The following ZFAND3 variants were observed in gnomAD, a reference collection of about 807,000 sequenced individuals.
ZFAND3 encodes zinc finger AN1-type containing 3.
In ZFAND3, 10 loss-of-function variants were observed where a neutral mutation model predicts 29.6. The ratio of observed to expected loss-of-function variants is 0.34; its 90% CI spans 0.21 to 0.57. The LOEUF (loss-of-function observed/expected upper bound fraction) is 0.57, where lower values mean the gene tolerates loss of function less well. Among genes scored for constraint, ZFAND3 ranks in the 20% least tolerant of loss-of-function variants. The pLI is 0.86. For missense variants in ZFAND3, 230 were observed against 304.5 expected (o/e 0.76, Z 1.82); for synonymous variants, 128 against 112.6 (o/e 1.14, Z -0.87).
intron 3 of ZFAND3, among the ~76,000 whole-genome samples, chr6:38,077,290 G>A (rs910336442): frequency 1.1e-4 from 17 of 152,080 alleles, no homozygotes; most frequent in Admixed American, 1.0e-3. Flanking sequence ...AGAACTGTGA[G>A]CCTGGAAAAG....
rs548982719 is a variant in ZFAND3 at position 37,990,749 on chromosome 6, GT to G, written c.112+60752del. Among the ~76,000 whole-genome samples, 1,034 of 152,234 alleles carry G rather than the reference GT, an allele frequency of 6.8e-3. 6 individuals carry two copies. Among genetic ancestry groups the G allele is most frequent in the Non-Finnish European group, 0.011 (735 of 68,014 alleles). On this transcript the variant is annotated intron_variant, in intron 2 of 5. Transcript: ENST00000287218. ...GTCTTTTGTACTTAAGCACGTTTCA[GT>G]TCAGACCAGTCACATTTTAAGTGCT... is the stretch of plus-strand genomic sequence containing the variant.
chr6:38,116,083 C>T (rs192238349), intron 4 of ZFAND3, among the ~76,000 whole-genome samples: 13 of 152,298 alleles, frequency 8.5e-5, no homozygotes, highest in Non-Finnish European at 1.5e-4. Context: ...ACTCATCAAA[C>T]GCTGGCTTTG....
chr6:37,929,387 T>C (rs1761550007), intron 1 of ZFAND3, among the ~76,000 whole-genome samples: 1 of 152,152 alleles, frequency 6.6e-6, no homozygotes, highest in South Asian at 2.1e-4. Flanking sequence ...TATTAATGGA[T>C]GAAAGGACAT....
rs781029906 is a variant in ZFAND3 at position 37,853,491 on chromosome 6, C to T, written c.71+33475C>T. ...ATGACCCTGGATTTCAGAATCTGGA[C>T]CAGTAACTCTTACTACTAGAATTCA... On this transcript the variant is annotated intron_variant, in intron 1 of 5. Coordinates refer to ENST00000287218, the MANE Select transcript of ZFAND3 (RefSeq NM_021943.3). Among the ~76,000 whole-genome samples, 11 of 150,312 alleles carry T rather than the reference C, an allele frequency of 7.3e-5. 1 individual carries two copies. Among genetic ancestry groups the T allele is most frequent in the Non-Finnish European group, 8.8e-5 (6 of 67,926 alleles).
At chr6:38,111,364 CA>C (rs2127482429) in intron 4 of ZFAND3, among the ~76,000 whole-genome samples, 1 of 152,246 alleles carries the variant, frequency 6.6e-6, no homozygotes, top group East Asian at 1.9e-4. Context: ...TACAGTATAA[CA>C]ACTATTTACA....
At chr6:38,058,652 G>A (rs1764177565) in intron 2 of ZFAND3, among the ~76,000 whole-genome samples, 1 of 152,106 alleles carries the variant, frequency 6.6e-6, no homozygotes, top group Non-Finnish European at 1.5e-5. Flanking sequence ...CTCTTTCTTG[G>A]GCCATCTTGG....
chr6:38,144,217 T>TATATAA (rs1766047670), intron 5 of ZFAND3, among the ~76,000 whole-genome samples: 4 of 98,320 alleles, frequency 4.1e-5, no homozygotes, highest in East Asian at 6.5e-4. Context: ...ATATAATATA[T>TATATAA]AATATATATA....
intron 4 of ZFAND3, among the ~76,000 whole-genome samples, chr6:38,103,971 T>C (rs1314522121): frequency 6.6e-6 from 1 of 152,242 alleles, no homozygotes; most frequent in Non-Finnish European, 1.5e-5. Context: ...GGTTCATTTG[T>C]CATTTACAAT....
At chr6:37,830,561 T>C (rs142560837) in intron 1 of ZFAND3, among the ~76,000 whole-genome samples, 1 of 152,326 alleles carries the variant, frequency 6.6e-6, no homozygotes, top group East Asian at 1.9e-4. Context: ...GCAAAATTGG[T>C]GTTCCATCAT....
chr6:38,019,759 G>A (rs1763314022), intron 2 of ZFAND3, among the ~76,000 whole-genome samples: 1 of 152,254 alleles, frequency 6.6e-6, no homozygotes. Flanking sequence ...TCACTCTGTT[G>A]CCCAGGCTGT....
intron 5 of ZFAND3, among the ~76,000 whole-genome samples, chr6:38,144,148 T>G (rs1297577320): frequency 4.6e-5 from 6 of 131,274 alleles, no homozygotes. Context: ...CTTTAAACAA[T>G]TATTACCTTG....
chr6:37,831,210 G>T (rs564858564), intron 1 of ZFAND3, among the ~76,000 whole-genome samples: 52 of 152,282 alleles, frequency 3.4e-4, no homozygotes, highest in African/African-American at 1.2e-3. Flanking sequence ...GCCTGGTCAT[G>T]GTAATTACAT....
At chr6:37,837,407 A>T (rs988483601) in intron 1 of ZFAND3, among the ~76,000 whole-genome samples, 1 of 151,930 alleles carries the variant, frequency 6.6e-6, no homozygotes, top group East Asian at 1.9e-4. Flanking sequence ...GTATTTTGCT[A>T]TATGTAACTG....
At chr6:37,827,628 C>T (rs369705919) in intron 1 of ZFAND3, among the ~76,000 whole-genome samples, 2 of 152,254 alleles carry the variant, frequency 1.3e-5, no homozygotes, top group African/African-American at 4.8e-5. Flanking sequence ...CTGTGATGCA[C>T]CCAGGCTAAT....
rs1766308183 is a variant in ZFAND3, at chr6:38,154,381, GT to G, written c.*1993del. The G allele has an allele frequency of 1.1e-5, 6 of 567,502 alleles. No homozygotes were observed. The highest frequency in any genetic ancestry group is 1.0e-4 in the African/African-American group (5 of 47,904). The allele number at this position is 567,502 out of a possible 1,614,324, so 35.2% of individuals were successfully genotyped here. On this transcript the variant is annotated 3_prime_UTR_variant, in exon 6 of 6. Coordinates refer to ENST00000287218, the MANE Select transcript of ZFAND3 (RefSeq NM_021943.3). ...GCTTCCTGACTTAGAGCTGGGGGGG[GT>G]GGGGGGTGGGGCTTGTTCCCCTGCA...
At chr6:38,016,077 T>A (rs2127445791) in intron 2 of ZFAND3, among the ~76,000 whole-genome samples, 1 of 151,436 alleles carries the variant, frequency 6.6e-6, no homozygotes, top group Admixed American at 6.6e-5. Context: ...GTCTTGCAGA[T>A]GAGACCTAAG....
chr6:38,050,245 G>A lies in ZFAND3; in HGVS notation c.113-11348G>A, dbSNP rs77000809. 0.017 allele frequency among the ~76,000 whole-genome samples: 2,527 copies of A among 151,988 alleles called. 251 individuals are homozygous for A. In the East Asian group the frequency reaches 0.28, roughly 17 times the overall value. On this transcript the variant is annotated intron_variant, in intron 2 of 5. Coordinates refer to ENST00000287218, the MANE Select transcript of ZFAND3 (RefSeq NM_021943.3). ...GCTGGGATTACAAGCGTGAGTCACC[G>A]TGCCTGGCCAAGAAGGCAATTCATT...
At position 37,837,407 on chromosome 6, in the gene ZFAND3, A is replaced by G. The variant is rs988483601; in HGVS notation, c.71+17391A>G. On this transcript the variant is annotated intron_variant, in intron 1 of 5. Transcript: ENST00000287218. ...TAAACATTCTTCAGCGTATTTTGCT[A>G]TATGTAACTGCTCTGTTGTTATTTT... Among the ~76,000 whole-genome samples, 116 of 152,042 alleles carry G rather than the reference A, an allele frequency of 7.6e-4. 1 individual carries two copies. Among genetic ancestry groups the G allele is most frequent in the African/African-American group, 2.7e-3 (113 of 41,452 alleles).
chr6:38,052,404 T>A (rs1194710186), intron 2 of ZFAND3, among the ~76,000 whole-genome samples: 1 of 152,218 alleles, frequency 6.6e-6, no homozygotes, highest in Non-Finnish European at 1.5e-5. Flanking sequence ...GGAGCACTCT[T>A]GCTTCCTATA....
Sources: gnomAD v4.1 joint callset for allele counts (sites outside exome capture counted in the v4.1 genomes callset) on GRCh38, gnomAD v4.1.1 for gene constraint, MANE v1.5 for transcripts, NCBI Gene and HGNC (gene_info 2026-07-23, HGNC 2026-07-21) for gene names.